Variants in CTNNA2 observed in about 807,000 individuals in gnomAD.
CTNNA2 encodes the protein catenin alpha 2, also known as catenin alpha-2.
In CTNNA2, 42 loss-of-function variants were observed where a neutral mutation model predicts 101.0. That is an observed-to-expected ratio of 0.42 (90% CI 0.32 to 0.54). CTNNA2 has a LOEUF of 0.54. Ranked by LOEUF, CTNNA2 falls within the 20% of genes least tolerant of loss-of-function variation. CTNNA2 has a pLI of 0.14. For missense variants in CTNNA2, 871 were observed against 1,223.1 expected (o/e 0.71, Z 4.29); for synonymous variants, 450 against 456.4 (o/e 0.99, Z 0.18).
At chr2:80,465,391 C>T (rs888989606) in intron 9 of CTNNA2, among the ~76,000 whole-genome samples, 1 of 138,594 alleles carries the variant, frequency 7.2e-6, no homozygotes, top group African/African-American at 2.5e-5. Flanking sequence ...GTACTTCCCT[C>T]CTACCATTTT....
At chr2:80,345,225 A>AC (rs1339500790) in intron 7 of CTNNA2, among the ~76,000 whole-genome samples, 14 of 152,150 alleles carry the variant, frequency 9.2e-5, no homozygotes, top group African/African-American at 3.4e-4. Context: ...CTTATCTCAC[A>AC]GATGTTACCT....
intron 15 of CTNNA2, among the ~76,000 whole-genome samples, chr2:80,596,798 G>A (rs1463253456): frequency 6.6e-6 from 1 of 152,020 alleles, no homozygotes; most frequent in Non-Finnish European, 1.5e-5. Context: ...GTTTTCAAAG[G>A]GAATACTTCC....
rs1384533270 is a variant in CTNNA2, at chr2:79,263,918, T to G, written c.-405-48791T>G. Among the ~76,000 whole-genome samples, 5 of 152,234 alleles carry G rather than the reference T, an allele frequency of 3.3e-5. No individual in the cohort carries two copies. In the East Asian group the frequency reaches 9.7e-4, roughly 29 times the overall value. ...ATTATAGAAACACAAAATAGAAAAA[T>G]GCATATAAGGGATCTATACTTTTCA... On this transcript the variant is annotated intron_variant, in intron 2 of 21. Transcript: ENST00000466387.
At chr2:80,634,089 C>A (rs1672593371) in intron 18 of CTNNA2, among the ~76,000 whole-genome samples, 1 of 152,112 alleles carries the variant, frequency 6.6e-6, no homozygotes, top group South Asian at 2.1e-4. Context: ...ATTTCCCCAC[C>A]CATAAAATTA....
At chr2:80,491,812 T>G (rs1305487258) in intron 9 of CTNNA2, among the ~76,000 whole-genome samples, 1 of 152,222 alleles carries the variant, frequency 6.6e-6, no homozygotes, top group Non-Finnish European at 1.5e-5. Context: ...CACTTCCGAC[T>G]GTGAGTTGGT....
At chr2:79,947,117 T>A (rs1405752276) in intron 7 of CTNNA2, among the ~76,000 whole-genome samples, 2 of 152,220 alleles carry the variant, frequency 1.3e-5, no homozygotes, top group Non-Finnish European at 2.9e-5. Context: ...AAATCCTACA[T>A]AAGAAGAGAT....
intron 3 of CTNNA2, among the ~76,000 whole-genome samples, chr2:79,320,489 T>C (rs1229230309): frequency 6.6e-6 from 1 of 152,044 alleles, no homozygotes; most frequent in East Asian, 1.9e-4. Flanking sequence ...TACTTAATGA[T>C]GTTGCTCTAA....
intron 7 of CTNNA2, among the ~76,000 whole-genome samples, chr2:80,124,365 C>A (rs1264483755): frequency 1.3e-5 from 2 of 152,058 alleles, no homozygotes; most frequent in Admixed American, 1.3e-4. Flanking sequence ...CTCATTAGAT[C>A]CTCATCATAA....
chr2:79,499,018 A>G (rs1671288804), intron 4 of CTNNA2: 1 of 152,236 alleles, frequency 6.6e-6, no homozygotes, highest in Admixed American at 6.5e-5. Flanking sequence ...ACACAATCTG[A>G]CATCCTGATT....
intron 7 of CTNNA2, among the ~76,000 whole-genome samples, chr2:79,923,220 G>A (rs986727191): frequency 1.3e-5 from 2 of 152,270 alleles, no homozygotes; most frequent in Non-Finnish European, 2.9e-5. Flanking sequence ...TCAGTATCTA[G>A]TTGGAGACTG....
intron 2 of CTNNA2, among the ~76,000 whole-genome samples, chr2:79,216,711 TC>T (rs962323603): frequency 9.1e-5 from 13 of 143,590 alleles, no homozygotes; most frequent in African/African-American, 3.2e-4. Context: ...GTTGGGGGGT[TC>T]TTGCCCCCTA....
intron 4 of CTNNA2, among the ~76,000 whole-genome samples, chr2:79,376,360 G>C (rs1677974608): frequency 6.6e-6 from 1 of 151,926 alleles, no homozygotes; most frequent in African/African-American, 2.4e-5. Flanking sequence ...TTCTGATCCT[G>C]TGTGTTTTTG....
chr2:79,204,429 A>G (rs1421146549), intron 2 of CTNNA2, among the ~76,000 whole-genome samples: 1 of 152,166 alleles, frequency 6.6e-6, no homozygotes, highest in Non-Finnish European at 1.5e-5. Flanking sequence ...ATTTCTAGTT[A>G]TATAAGGAAC....
chr2:80,245,499 A>G (rs1671250492), intron 7 of CTNNA2, among the ~76,000 whole-genome samples: 1 of 152,056 alleles, frequency 6.6e-6, no homozygotes, highest in Non-Finnish European at 1.5e-5. Flanking sequence ...CTATTAGGTT[A>G]TTTTCCTTAT....
intron 3 of CTNNA2, among the ~76,000 whole-genome samples, chr2:79,802,874 A>G (rs1316952582): frequency 6.6e-6 from 1 of 152,318 alleles, no homozygotes; most frequent in African/African-American, 2.4e-5. Context: ...TCTGTTCTTA[A>G]TGTGCAAGCA....
intron 2 of CTNNA2, among the ~76,000 whole-genome samples, chr2:79,253,853 C>A (rs569005413): frequency 6.6e-6 from 1 of 152,314 alleles, no homozygotes; most frequent in South Asian, 2.1e-4. Context: ...CTGGAGCCAA[C>A]AGAGTGTGTT....
chr2:80,089,725 T>C (rs1699665349), intron 7 of CTNNA2, among the ~76,000 whole-genome samples: 1 of 152,036 alleles, frequency 6.6e-6, no homozygotes, highest in Admixed American at 6.6e-5. Context: ...TGTCAGCAAC[T>C]TACCACCCCA....
Position 79,994,540 on chromosome 2 carries a change from G to A in CTNNA2, c.1056+84743G>A, listed in dbSNP as rs142858493. 7.2e-3 allele frequency among the ~76,000 whole-genome samples: 1,091 copies of A among 152,062 alleles called. 6 individuals are homozygous for A. Among genetic ancestry groups the A allele is most frequent in the Non-Finnish European group, 0.012 (837 of 68,002 alleles). On this transcript the variant is annotated intron_variant, in intron 7 of 18. Transcript: ENST00000402739. ...ACAGTCATTGGATCCCCAACATGGTGGCAAGATTACTTAAGGCAGGCACTG... is the reference window on the plus strand; with the variant it reads ...ACAGTCATTGGATCCCCAACATGGTAGCAAGATTACTTAAGGCAGGCACTG...
intron 4 of CTNNA2, among the ~76,000 whole-genome samples, chr2:79,424,174 CAT>C (rs955197749): frequency 1.4e-4 from 21 of 152,054 alleles, no homozygotes; most frequent in African/African-American, 4.8e-4. Context: ...AACTGGGAAT[CAT>C]AGTTCTTTCC....
Sources: gnomAD v4.1 joint callset for allele counts (sites outside exome capture counted in the v4.1 genomes callset) on GRCh38, gnomAD v4.1.1 for gene constraint, MANE v1.5 for transcripts, NCBI Gene and HGNC (gene_info 2026-07-23, HGNC 2026-07-21) for gene names.